Variants in TAF10 observed in about 807,000 individuals in gnomAD.
TAF10 encodes the protein TATA-box binding protein associated factor 10, also known as transcription initiation factor TFIID subunit 10.
Under a neutral mutation model 18.1 loss-of-function variants are expected in TAF10, and 2 were observed. The ratio of observed to expected loss-of-function variants is 0.11; its 90% confidence interval spans 0.05 to 0.35. TAF10 has a LOEUF of 0.35. Among genes scored for constraint, TAF10 ranks in the 10% least tolerant of loss-of-function variants. The probability of loss-of-function intolerance (pLI) is 1.00; values close to 1 mark genes in which losing one functional copy is unlikely to be tolerated. For missense variants in TAF10, 293 were observed against 306.9 expected, an observed-to-expected ratio of 0.95 and a Z score of 0.34; for synonymous variants, 158 against 134.6, an observed-to-expected ratio of 1.17 and a Z score of -1.20.
Position 6,610,699 on chromosome 11 carries a change from T to TC in TAF10, c.*222dup, listed in dbSNP as rs1855418040. 1.7e-5 allele frequency: 25 copies of TC among 1,504,202 alleles called. No individual in the cohort carries two copies. Among genetic ancestry groups the TC allele is most frequent in the Admixed American group, 3.5e-5 (2 of 56,510 alleles). The allele number at this position is 1,504,202 out of a possible 1,614,324, so 93.2% of individuals were successfully genotyped here. A position where few individuals can be genotyped will look rare whatever the true frequency, so the allele number is the denominator to read the frequency against. ...CCAAAGCAGCAGGCCTCTGGTTGCC[T>TC]CCCCCGCCTCCAGTCATGGTACTAC... is the stretch of plus-strand genomic sequence containing the variant. On this transcript the variant is annotated 3_prime_UTR_variant, in exon 5 of 5. Coordinates refer to ENST00000299424, the MANE Select transcript of TAF10 (RefSeq NM_006284.4).
chr11:6,608,000 G>C lies in TAF10; in HGVS notation c.*2922C>G. 2 of 1,601,970 alleles carry C rather than the reference G, an allele frequency of 1.2e-6. No individual in the cohort carries two copies. Among genetic ancestry groups the C allele is most frequent in the Non-Finnish European group, 1.7e-6 (2 of 1,170,474 alleles). On this transcript the variant is annotated 3_prime_UTR_variant, in exon 5 of 5. Coordinates refer to ENST00000299424, the MANE Select transcript of TAF10 (RefSeq NM_006284.4). ...CAGTTTTTCAGGAATCAAAACCTTTGCCCCATCCCACCTCCAGCTCAATGA... is the reference window on the plus strand; with the variant it reads ...CAGTTTTTCAGGAATCAAAACCTTTCCCCCATCCCACCTCCAGCTCAATGA...
In TAF10 at chr11:6,610,964, G is replaced by C. The variant is rs750442360; in HGVS notation, c.615C>G (p.Ser205Arg). 1 of 1,614,218 alleles carries C rather than the reference G, an allele frequency of 6.2e-7. No individual in the cohort carries two copies. Among genetic ancestry groups the C allele is most frequent in the South Asian group, 1.1e-5 (1 of 91,090 alleles). ...LTMEDLTPALSEYGINVKKPH... is the reference protein window; with the variant it reads ...LTMEDLTPALREYGINVKKPH... ...GCTTCTTCACATTGATGCCATACTCGCTGAGGGCAGGGGTCAAGTCCTCCA... is the reference window on the plus strand; with the variant it reads ...GCTTCTTCACATTGATGCCATACTCCCTGAGGGCAGGGGTCAAGTCCTCCA... The change falls in exon 5 of 5, where the codon AGC (serine) becomes AGG (arginine). Residue 205 changes from serine (S) to arginine (R), a missense_variant. Coordinates refer to ENST00000299424, the MANE Select transcript of TAF10 (RefSeq NM_006284.4).
chr11:6,610,214 T>C lies in TAF10; in HGVS notation c.*708A>G. ...GACATGTGGAGTTTTGCAGTGCTTCTGTGGGAACTGGTGACACGGGAGGTA... is the reference window on the plus strand; with the variant it reads ...GACATGTGGAGTTTTGCAGTGCTTCCGTGGGAACTGGTGACACGGGAGGTA... On this transcript the variant is annotated 3_prime_UTR_variant, in exon 5 of 5. Coordinates refer to ENST00000299424, the MANE Select transcript of TAF10 (RefSeq NM_006284.4). The C allele has an allele frequency of 6.2e-7, 1 of 1,614,240 alleles. No individual in the cohort carries two copies. The highest frequency in any genetic ancestry group is 8.5e-7 in the Non-Finnish European group (1 of 1,180,036).
Position 6,609,829 on chromosome 11 carries a change from A to G in TAF10, c.*1093T>C, listed in dbSNP as rs570806647. On this transcript the variant is annotated 3_prime_UTR_variant, in exon 5 of 5. Transcript: ENST00000299424. ...CCCCTCATCCCACGACATGCACTCA[A>G]TAGCCGTAGTGTAATGGTGAGGCCA... 6.5e-5 allele frequency: 105 copies of G among 1,614,184 alleles called. No homozygotes were observed. In the Middle Eastern group the frequency reaches 3.3e-3, roughly 51 times the overall value.
rs1322540981 is a variant in TAF10, at chr11:6,612,105, C to T, written c.85G>A (p.Ala29Thr). The change falls in exon 1 of 5, where the codon GCT (alanine) becomes ACT (threonine). Residue 29 changes from alanine to threonine, a missense_variant. Coordinates refer to ENST00000299424, the MANE Select transcript of TAF10 (RefSeq NM_006284.4). The part of the protein sequence containing the change: ...SAPGPAPPVS[A>T]PAALPSSTAA... ...GTGCTGGAGGGCAGCGCGGCGGGAG[C>T]CGAGACCGGGGGCGCGGGGCCCGGG... The T allele has an allele frequency of 1.6e-6, 2 of 1,223,202 alleles. No individual in the cohort carries two copies. The highest frequency in any genetic ancestry group is 3.2e-4 in the Middle Eastern group (1 of 3,168). The allele number at this position is 1,223,202 out of a possible 1,614,324, so 75.8% of individuals were successfully genotyped here.
In TAF10 at chr11:6,611,204, G is replaced by C; in HGVS notation, c.552C>G (p.Ser184=). The C allele has an allele frequency of 6.2e-7, 1 of 1,614,050 alleles. No individual in the cohort carries two copies. The highest frequency in any genetic ancestry group is 8.5e-7 in the Non-Finnish European group (1 of 1,179,952). ...CKMKGTASGS[S]RSKSKDRKYT... ...CCCCTCACACCTTGCTCTTGCTCCG[G>C]GAGCTGCCGGAGGCCGTGCCCTTCA... The change falls in exon 4 of 5, where the codon TCC becomes TCG. Residue 184 remains serine (S), a synonymous_variant. Coordinates refer to ENST00000299424, the MANE Select transcript of TAF10 (RefSeq NM_006284.4).
At chr11:6,611,345 A>C (rs1433972983) in intron 3 of TAF10, 42 bp from the exon 4 acceptor site, 19 of 1,613,964 alleles carry the variant, frequency 1.2e-5, no homozygotes, top group African/African-American at 1.3e-5. Flanking sequence ...TGGACAACAT[A>C]CTGCACAAGC....
rs577494510 is a variant in TAF10, at chr11:6,611,778, G to A, written c.273C>T (p.Ala91=). Reference sequence around the variant, plus strand: ...GCAGTACGTAAACCCCGTTAGATATGGCCCCCTCCGGGGGCGCCGCGCCAC... The same window carrying A: ...GCAGTACGTAAACCCCGTTAGATATAGCCCCCTCCGGGGGCGCCGCGCCAC... ...SAGGAAPPEG[A]ISNGVYVLPS... Residue 91 remains alanine (A), a synonymous_variant, in exon 2 of 5, where the codon GCC becomes GCT. Coordinates refer to ENST00000299424, the MANE Select transcript of TAF10 (RefSeq NM_006284.4). 3.7e-6 allele frequency: 6 copies of A among 1,605,400 alleles called. No homozygotes were observed. In the African/African-American group the frequency reaches 6.7e-5, roughly 18 times the overall value.
chr11:6,611,943 C>A lies in TAF10; in HGVS notation c.232+15G>T. The A allele has an allele frequency of 6.4e-7, 1 of 1,574,206 alleles. No homozygotes were observed. The highest frequency in any genetic ancestry group is 8.6e-7 in the Non-Finnish European group (1 of 1,167,486). On this transcript the variant is annotated intron_variant, in intron 1 of 4. Transcript: ENST00000299424. The stretch of plus-strand genomic sequence containing the variant: ...CCAAGACGCTTCCCTCGCCCTCACC[C>A]GTCCCGGCCCTCACCCGCCCCACGC...
At position 6,608,419 on chromosome 11, in the gene TAF10, A is replaced by G; in HGVS notation, c.*2503T>C. On this transcript the variant is annotated 3_prime_UTR_variant, in exon 5 of 5. Coordinates refer to ENST00000299424, the MANE Select transcript of TAF10 (RefSeq NM_006284.4). This position sits in a 1 kb window ranked among gnomAD's most constrained non-coding sequence, Gnocchi z 4.9. ...CTATTGCAGTACAAGGCAGACATCA[A>G]TGCAGTGAATGAACACGGGAATGTG... 6.2e-7 allele frequency: 1 copy of G among 1,614,186 alleles called. No individual in the cohort carries two copies. The highest frequency in any genetic ancestry group is 8.5e-7 in the Non-Finnish European group (1 of 1,180,010).
chr11:6,607,851 T>C lies in TAF10; in HGVS notation c.*3071A>G, dbSNP rs373992124. 9.8e-5 allele frequency: 59 copies of C among 604,306 alleles called. No individual in the cohort carries two copies. Among genetic ancestry groups the C allele is most frequent in the East Asian group, 9.5e-4 (34 of 35,918 alleles). The allele number at this position is 604,306 out of a possible 1,614,324, so 37.4% of individuals were successfully genotyped here. On this transcript the variant is annotated 3_prime_UTR_variant, in exon 5 of 5. Transcript: ENST00000299424. ...TTTTTTTATAGAGGTTGTTGAGATATCTAGGTGGTTGGTTTGGTTTGAAGC... is the reference window on the plus strand; with the variant it reads ...TTTTTTTATAGAGGTTGTTGAGATACCTAGGTGGTTGGTTTGGTTTGAAGC...
At chr11:6,611,522 T>A (rs1396414899) in intron 2 of TAF10, 70 bp from the exon 3 acceptor site, 3 of 1,602,998 alleles carry the variant, frequency 1.9e-6, no homozygotes, top group Non-Finnish European at 2.6e-6. Context: ...GGCCTGATTA[T>A]CAGGAAGCTC....
Position 6,608,241 on chromosome 11 carries a change from C to T in TAF10, c.*2681G>A, listed in dbSNP as rs772947886. 2 of 1,611,724 alleles carry T rather than the reference C, an allele frequency of 1.2e-6. No homozygotes were observed. The highest frequency in any genetic ancestry group is 2.7e-5 in the African/African-American group (2 of 74,874). On this transcript the variant is annotated 3_prime_UTR_variant, in exon 5 of 5. Transcript: ENST00000299424. The surrounding 1 kb of genome is among the most constrained non-coding windows in gnomAD (Gnocchi z 4.9). ...GTACAAACTCCTTCGTCATCCACAT[C>T]ACATACATGCCATGAGGGTCAGTCA... is the stretch of plus-strand genomic sequence containing the variant.
chr11:6,608,369 C>A lies in TAF10; in HGVS notation c.*2553G>T. On this transcript the variant is annotated 3_prime_UTR_variant, in exon 5 of 5. Transcript: ENST00000299424. The surrounding 1 kb of genome is among the most constrained non-coding windows in gnomAD (Gnocchi z 4.9). ...GAACTGACTGTACTTTCTGCCTCTT[C>A]TTTTTGTCTGGCCATGGGGTCCAGC... The A allele has an allele frequency of 5.0e-6, 8 of 1,609,860 alleles. No homozygotes were observed. Among genetic ancestry groups the A allele is most frequent in the Non-Finnish European group, 6.8e-6 (8 of 1,176,090 alleles).
rs763031937 is a variant in TAF10 at position 6,608,162 on chromosome 11, C to G, written c.*2760G>C. 6.2e-7 allele frequency: 1 copy of G among 1,613,946 alleles called. No individual in the cohort carries two copies. The highest frequency in any genetic ancestry group is 1.1e-5 in the South Asian group (1 of 91,080). ...AATGTAATGAACCGTGGGGATGACA[C>G]CCCCCTGCATCTGGCAGCCAGTCAT... On this transcript the variant is annotated 3_prime_UTR_variant, in exon 5 of 5. Transcript: ENST00000299424. This position sits in a 1 kb window ranked among gnomAD's most constrained non-coding sequence, Gnocchi z 4.9.
At chr11:6,611,642 C>G (rs1340426317) in intron 2 of TAF10, 22 bp downstream of exon 2, 4 of 1,576,384 alleles carry the variant, frequency 2.5e-6, no homozygotes, top group Non-Finnish European at 3.5e-6. Flanking sequence ...GGCTAGGTGG[C>G]CTTGTTCGGG....
Position 6,608,269 on chromosome 11 carries a change from G to C in TAF10, c.*2653C>G, listed in dbSNP as rs1194718809. 1.9e-6 allele frequency: 3 copies of C among 1,596,044 alleles called. No homozygotes were observed. In the East Asian group the frequency reaches 6.7e-5, roughly 36 times the overall value. ...ATACATGCCATGAGGGTCAGTCACA[G>C]GCACTGTAACATACAGTAGAAAGCA... On this transcript the variant is annotated 3_prime_UTR_variant, in exon 5 of 5. Transcript: ENST00000299424. This position sits in a 1 kb window ranked among gnomAD's most constrained non-coding sequence, Gnocchi z 4.9.
At position 6,611,438 on chromosome 11, in the gene TAF10, C is replaced by G. The variant is rs190877277; in HGVS notation, c.402G>C (p.Val134=). 13 of 1,614,030 alleles carry G rather than the reference C, an allele frequency of 8.1e-6. No homozygotes were observed. The highest frequency in any genetic ancestry group is 1.1e-5 in the Non-Finnish European group (13 of 1,180,048). The change falls in exon 3 of 5, where the codon GTG becomes GTC. Residue 134 remains valine, a synonymous_variant. Coordinates refer to ENST00000299424, the MANE Select transcript of TAF10 (RefSeq NM_006284.4). The part of the protein sequence containing the change: ...EDYTPTIPDA[V]TGYYLNRAGF... ...CAGCACGGTTCAGGTAGTAACCAGT[C>G]ACTGCATCTGGGATCTGAGAAATCA...
Position 6,608,306 on chromosome 11 carries a change from C to T in TAF10, c.*2616G>A, listed in dbSNP as rs139560603. On this transcript the variant is annotated 3_prime_UTR_variant, in exon 5 of 5. Transcript: ENST00000299424. The surrounding 1 kb of genome is among the most constrained non-coding windows in gnomAD (Gnocchi z 4.9). ...TACAGTAGAAAGCATGTGTGCTCTT[C>T]CCCCTTTTCCCATGCCCTGACACCA... 1.9e-6 allele frequency: 3 copies of T among 1,559,872 alleles called. No individual in the cohort carries two copies. In the Admixed American group the frequency reaches 5.0e-5, roughly 26 times the overall value.
Sources: gnomAD v4.1 joint callset for allele counts on GRCh38, gnomAD v4.1.1 for gene constraint, Gnocchi (gnomAD v3.1) non-coding constraint, MANE v1.5 for transcripts, NCBI Gene and HGNC (gene_info 2026-07-23, HGNC 2026-07-21) for gene names.